FBXW8: variants seen among roughly 807,000 people sequenced by gnomAD.
The protein encoded by FBXW8 is F-box and WD repeat domain containing 8.
A neutral mutation model predicts 65.3 loss-of-function variants in FBXW8; 57 were observed. The observed-to-expected ratio is 0.87, with a 90% CI of 0.71 to 1.09. The LOEUF is 1.09. FBXW8 is among the 50% of genes least tolerant of loss of function. The pLI is 0.00. For synonymous variants in FBXW8, 308 were observed against 330.2 expected, an observed-to-expected ratio of 0.93 and a Z score of 0.73; for missense variants, 777 against 814.8, an observed-to-expected ratio of 0.95 and a Z score of 0.57.
chr12:116,951,725 C>T (rs989066002), intron 4 of FBXW8, among the ~76,000 whole-genome samples: 1 of 152,168 alleles, frequency 6.6e-6, no homozygotes, highest in Non-Finnish European at 1.5e-5. Context: ...GGCCATGCTG[C>T]ATAGGCCCAG....
Position 117,010,454 on chromosome 12 carries a change from C to G in FBXW8, c.1367+4C>G, listed in dbSNP as rs762581348. On this transcript the variant is annotated splice_donor_region_variant and intron_variant, in intron 8 of 10. Coordinates refer to ENST00000652555, the MANE Select transcript of FBXW8 (RefSeq NM_153348.3). ...TCAGTGGCAACATGGACGGGAGGTA[C>G]GTGAGTTGGAAGGGCATTGCCTTGC... is the stretch of plus-strand genomic sequence containing the variant. 1.2e-6 allele frequency: 2 copies of G among 1,614,084 alleles called. No homozygotes were observed. The highest frequency in any genetic ancestry group is 1.7e-6 in the Non-Finnish European group (2 of 1,180,030).
intron 7 of FBXW8, among the ~76,000 whole-genome samples, chr12:117,009,740 TG>T (rs1953759788): frequency 1.3e-5 from 2 of 152,200 alleles, no homozygotes; most frequent in South Asian, 4.1e-4. Flanking sequence ...TCATACCCTA[TG>T]GAACACAGCA....
chr12:116,995,938 T>C (rs1953363544), intron 7 of FBXW8, among the ~76,000 whole-genome samples: 1 of 152,222 alleles, frequency 6.6e-6, no homozygotes, highest in African/African-American at 2.4e-5. Context: ...TGGACACATA[T>C]TTATGATACC....
intron 8 of FBXW8, among the ~76,000 whole-genome samples, chr12:117,014,241 T>C (rs1953894873): frequency 6.6e-6 from 1 of 152,088 alleles, no homozygotes; most frequent in Admixed American, 6.5e-5. Context: ...ATCTTTTATT[T>C]CAGATTTCAT....
intron 5 of FBXW8, among the ~76,000 whole-genome samples, chr12:116,973,396 C>G (rs1884746737): frequency 1.3e-5 from 2 of 152,174 alleles, no homozygotes; most frequent in Non-Finnish European, 2.9e-5. Context: ...TAAACACTTA[C>G]TAATTAAAAG....
intron 8 of FBXW8, among the ~76,000 whole-genome samples, chr12:117,022,990 G>C (rs1012163616): frequency 6.6e-6 from 1 of 152,188 alleles, no homozygotes; most frequent in Non-Finnish European, 1.5e-5. Flanking sequence ...TCTTGTTCTG[G>C]TATTTTGCTA....
rs376730495 is a variant in FBXW8, at chr12:116,988,858, G to A, written c.1228G>A (p.Glu410Lys). 51 of 1,613,738 alleles carry A rather than the reference G, an allele frequency of 3.2e-5. No individual in the cohort carries two copies. The highest frequency in any genetic ancestry group is 1.6e-4 in the African/African-American group (12 of 74,862). Residue 410 changes from glutamate (E) to lysine (K), a missense_variant, in exon 7 of 11, where the codon GAA becomes AAA. Transcript: ENST00000652555. ...FGVQGLGWVY[E>K]GSKILVYSLE... ...TGTACAGGGTCTGGGATGGGTGTACGAAGGAAGCAAGGTACACAACTAGCA... is the reference window on the plus strand; with the variant it reads ...TGTACAGGGTCTGGGATGGGTGTACAAAGGAAGCAAGGTACACAACTAGCA...
At chr12:117,025,770 AGCATTGC>A (rs1210801804) in intron 9 of FBXW8, among the ~76,000 whole-genome samples, 1 of 152,196 alleles carries the variant, frequency 6.6e-6, no homozygotes, top group East Asian at 1.9e-4. Flanking sequence ...AATTCCCGGA[AGCATTGC>A]CTTTGAGGAA....
At chr12:116,948,047 G>A (rs1254572200) in intron 3 of FBXW8, among the ~76,000 whole-genome samples, 1 of 152,202 alleles carries the variant, frequency 6.6e-6, no homozygotes, top group African/African-American at 2.4e-5. Flanking sequence ...TACCTCTTAA[G>A]TCAGTGTCTG....
At position 116,911,250 on chromosome 12, in the gene FBXW8, G is replaced by T; in HGVS notation, c.213G>T (p.Ala71=). 8.0e-7 allele frequency: 1 copy of T among 1,242,344 alleles called. No homozygotes were observed. Among genetic ancestry groups the T allele is most frequent in the Non-Finnish European group, 1.0e-6 (1 of 995,928 alleles). 77.0% of individuals were successfully genotyped at this position (1,242,344 alleles called of 1,614,324 possible). ...EGAGRPPAAR[A]TRAEGQDVAS... ...CGGGGAGGCCCCCGGCGGCGCGGGC[G>T]ACTCGGGCCGAGGGGCAGGACGTAG... Residue 71 remains alanine, a synonymous_variant, in exon 1 of 11, where the codon GCG becomes GCT. Coordinates refer to ENST00000652555, the MANE Select transcript of FBXW8 (RefSeq NM_153348.3).
chr12:116,939,861 A>G (rs574030326), intron 2 of FBXW8, among the ~76,000 whole-genome samples: 37 of 152,314 alleles, frequency 2.4e-4, no homozygotes, highest in Non-Finnish European at 5.1e-4. Flanking sequence ...GTCTATCCCT[A>G]TCTGTGCTTC....
chr12:116,914,608 G>T (rs1880253693), intron 1 of FBXW8, among the ~76,000 whole-genome samples: 1 of 151,068 alleles, frequency 6.6e-6, no homozygotes, highest in Non-Finnish European at 1.5e-5. Context: ...GGGCCTGGTG[G>T]CTCATACCTG....
chr12:116,970,100 C>G (rs1043820750), intron 5 of FBXW8, among the ~76,000 whole-genome samples: 2 of 152,212 alleles, frequency 1.3e-5, no homozygotes, highest in Non-Finnish European at 2.9e-5. Context: ...ACTCCATCTG[C>G]TCCGTGCTTG....
intron 7 of FBXW8, among the ~76,000 whole-genome samples, chr12:117,010,098 T>A (rs1286506952): frequency 1.3e-5 from 2 of 152,234 alleles, no homozygotes; most frequent in African/African-American, 4.8e-5. Flanking sequence ...CTTGAGGAAT[T>A]CGCTGGATTT....
chr12:116,941,828 T>C (rs1882587362), intron 2 of FBXW8, among the ~76,000 whole-genome samples: 1 of 152,204 alleles, frequency 6.6e-6, no homozygotes, highest in Non-Finnish European at 1.5e-5. Flanking sequence ...TTTTGAGTTA[T>C]TTTCTTAGTT....
intron 8 of FBXW8, among the ~76,000 whole-genome samples, chr12:117,020,191 G>A (rs776103543): frequency 6.6e-6 from 1 of 152,200 alleles, no homozygotes; most frequent in Non-Finnish European, 1.5e-5. Context: ...CTAGTTAATC[G>A]TGTCACCTAC....
intron 8 of FBXW8, among the ~76,000 whole-genome samples, chr12:117,013,022 G>A (rs959822603): frequency 6.6e-6 from 1 of 152,092 alleles, no homozygotes; most frequent in African/African-American, 2.4e-5. Context: ...AGAAAAACCA[G>A]ACGCTTGAGG....
At chr12:116,917,419 A>G (rs534495704) in intron 1 of FBXW8, among the ~76,000 whole-genome samples, 4 of 152,280 alleles carry the variant, frequency 2.6e-5, no homozygotes, top group Middle Eastern at 3.4e-3. Context: ...TCCACTTGAC[A>G]TGAATGGGAA....
chr12:116,964,703 A>G lies in FBXW8; in HGVS notation c.684A>G (p.Thr228=), dbSNP rs1009454329. ...SHDGVVIAGY[T]SGDVRVWDTR... ...GTGTGTCGTTCTCTTCCAGATATAC[A>G]TCAGGGGATGTGAGAGTGTGGGACA... Residue 228 remains threonine (T), a synonymous_variant, in exon 5 of 11, where the codon ACA becomes ACG. Coordinates refer to ENST00000652555, the MANE Select transcript of FBXW8 (RefSeq NM_153348.3). 1.9e-6 allele frequency: 3 copies of G among 1,613,552 alleles called. No individual in the cohort carries two copies. The highest frequency in any genetic ancestry group is 2.7e-5 in the African/African-American group (2 of 74,882).
Sources: gnomAD v4.1 joint callset for allele counts (sites outside exome capture counted in the v4.1 genomes callset) on GRCh38, gnomAD v4.1.1 for gene constraint, MANE v1.5 for transcripts, NCBI Gene and HGNC (gene_info 2026-07-23, HGNC 2026-07-21) for gene names.